ENTR1: variants seen among roughly 807,000 people sequenced by gnomAD.
The protein encoded by ENTR1 is endosome associated trafficking regulator 1.
A neutral mutation model predicts 47.9 loss-of-function variants in ENTR1; 47 were observed. The observed-to-expected ratio is 0.98, with a 90% CI of 0.78 to 1.25. The LOEUF is 1.25. Among genes scored for constraint, ENTR1 ranks in the 50% most tolerant of loss-of-function variants. ENTR1 has a pLI of 0.00. For synonymous variants in ENTR1, 290 were observed against 245.8 expected (o/e 1.18, Z -1.68); for missense variants, 668 against 570.5 (o/e 1.17, Z -1.74).
rs1421010721 is a variant in ENTR1, at chr9:136,410,593, T to C, written c.-196A>G. ...CACCGAAAGCGCGTGCCTGAACGCC[T>C]TGGGCCGTCGGCGAGGGGGAGGGGA... On this transcript the variant is annotated 5_prime_UTR_variant, in exon 1 of 10. Coordinates refer to ENST00000357365, the MANE Select transcript of ENTR1 (RefSeq NM_001039707.2). 1.1e-5 allele frequency: 14 copies of C among 1,261,760 alleles called. No homozygotes were observed. Among genetic ancestry groups the C allele is most frequent in the Non-Finnish European group, 1.4e-5 (14 of 992,682 alleles). The allele number at this position is 1,261,760 out of a possible 1,614,324, so 78.2% of individuals were successfully genotyped here.
chr9:136,404,649 C>T lies in ENTR1; in HGVS notation c.1050G>A (p.Gln350=), dbSNP rs369948210. The T allele has an allele frequency of 2.0e-5, 33 of 1,613,990 alleles. No homozygotes were observed. The highest frequency in any genetic ancestry group is 2.8e-5 in the Non-Finnish European group (33 of 1,180,014). The part of the protein sequence containing the change: ...KAENHVVKLK[Q]EISLLQAQVS... Reference sequence around the variant, plus strand: ...TAATTACCTGGAGCAAACTGATTTCCTGTTTTAGTTTCACGACGTGGTTTT... The same window carrying T: ...TAATTACCTGGAGCAAACTGATTTCTTGTTTTAGTTTCACGACGTGGTTTT... Residue 350 remains glutamine, a synonymous_variant, in exon 8 of 10, where the codon CAG becomes CAA. Transcript: ENST00000357365.
chr9:136,405,054 C>T (rs1330553495), intron 7 of ENTR1, 37 bp downstream of exon 7: 1 of 1,540,186 alleles, frequency 6.5e-7, no homozygotes, highest in African/African-American at 1.4e-5. Context: ...CGCTCCTGCC[C>T]CACCCAGCTC....
In ENTR1 at chr9:136,410,107, G is replaced by A; in HGVS notation, c.203C>T (p.Ala68Val). The change falls in exon 2 of 10, where the codon GCT (alanine) becomes GTT (valine). Residue 68 changes from alanine to valine, a missense_variant. Transcript: ENST00000357365. ...TCTCTCACCTGTGTCTCCCACGGAA[G>A]CCAGCACCGGGCTGGGCACATAGCA... ...FMCYVPSPVL[A>V]SVGDTDFGYG... 2 of 1,612,862 alleles carry A rather than the reference G, an allele frequency of 1.2e-6. No homozygotes were observed. Among genetic ancestry groups the A allele is most frequent in the East Asian group, 2.2e-5 (1 of 44,840 alleles).
chr9:136,409,911 C>T (rs1469216685), intron 2 of ENTR1, 179 bp downstream of exon 2: 2 of 803,544 alleles, frequency 2.5e-6, no homozygotes, highest in Non-Finnish European at 4.3e-6. Context: ...GGGGAGGTCT[C>T]CCCGCAACCA....
At chr9:136,408,745 T>G (rs1261497641) in intron 3 of ENTR1, among the ~76,000 whole-genome samples, 1 of 152,166 alleles carries the variant, frequency 6.6e-6, no homozygotes, top group Admixed American at 6.5e-5. Flanking sequence ...GCAGCCACAC[T>G]CGACCCTCCC....
In ENTR1 at chr9:136,402,645, G is replaced by A. The variant is rs1159356320; in HGVS notation, c.*143C>T. 3 of 568,722 alleles carry A rather than the reference G, an allele frequency of 5.3e-6. No individual in the cohort carries two copies. 35.2% of individuals were successfully genotyped at this position (568,722 alleles called of 1,614,324 possible). On this transcript the variant is annotated 3_prime_UTR_variant, in exon 10 of 10. Coordinates refer to ENST00000357365, the MANE Select transcript of ENTR1 (RefSeq NM_001039707.2). The stretch of plus-strand genomic sequence containing the variant: ...CCATTGTGGTGGCCAAGAACTGGCT[G>A]AGGGCACGACACTGGACTCTTGCGA...
At position 136,407,941 on chromosome 9, in the gene ENTR1, G is replaced by C; in HGVS notation, c.290-3C>G. On this transcript the variant is annotated splice_region_variant and splice_polypyrimidine_tract_variant and intron_variant, in intron 3 of 9. Coordinates refer to ENST00000357365, the MANE Select transcript of ENTR1 (RefSeq NM_001039707.2). ...TTCCAGATCTTCAAATCTGTCATCT[G>C]AAATAACAGACATCACAAATGCATA... The C allele has an allele frequency of 1.3e-6, 2 of 1,552,622 alleles. No homozygotes were observed. The highest frequency in any genetic ancestry group is 2.2e-5 in the East Asian group (1 of 44,508).
chr9:136,410,552 C>G lies in ENTR1; in HGVS notation c.-155G>C, dbSNP rs1835058276. 4 of 1,133,274 alleles carry G rather than the reference C, an allele frequency of 3.5e-6. No homozygotes were observed. The highest frequency in any genetic ancestry group is 4.4e-5 in the South Asian group (1 of 22,662). The allele number at this position is 1,133,274 out of a possible 1,614,324, so 70.2% of individuals were successfully genotyped here. ...CCCCGCGCCTCCGAGCCTCTCGCCGCTGCTTCCGCTCCGAGCACCGAAAGC... is the reference window on the plus strand; with the variant it reads ...CCCCGCGCCTCCGAGCCTCTCGCCGGTGCTTCCGCTCCGAGCACCGAAAGC... On this transcript the variant is annotated 5_prime_UTR_variant, in exon 1 of 10. Transcript: ENST00000357365.
At position 136,410,488 on chromosome 9, in the gene ENTR1, G is replaced by T; in HGVS notation, c.-91C>A. ...GCCCGTGCCGCGGCCCGCGTCGCCCGCCCCCGTCGCCCGCCCCCGTCGCCC... is the reference window on the plus strand; with the variant it reads ...GCCCGTGCCGCGGCCCGCGTCGCCCTCCCCCGTCGCCCGCCCCCGTCGCCC... On this transcript the variant is annotated 5_prime_UTR_variant, in exon 1 of 10. Coordinates refer to ENST00000357365, the MANE Select transcript of ENTR1 (RefSeq NM_001039707.2). 1 of 940,622 alleles carries T rather than the reference G, an allele frequency of 1.1e-6. No individual in the cohort carries two copies. The highest frequency in any genetic ancestry group is 1.3e-6 in the Non-Finnish European group (1 of 777,650). 58.3% of individuals were successfully genotyped at this position (940,622 alleles called of 1,614,324 possible).
At position 136,407,582 on chromosome 9, in the gene ENTR1, A is replaced by G; in HGVS notation, c.403-21T>C. ...GCTTCCTAAAAAAAAAAAAAAAAAA[A>G]AAACAATGGAGGCCATGCTTCTGAC... On this transcript the variant is annotated intron_variant, in intron 4 of 9. Coordinates refer to ENST00000357365, the MANE Select transcript of ENTR1 (RefSeq NM_001039707.2). 3 of 1,533,846 alleles carry G rather than the reference A, an allele frequency of 2.0e-6. No homozygotes were observed. The Admixed American group carries it at 6.7e-5, about 34-fold the overall frequency.
chr9:136,403,235 G>A (rs977243464), intron 9 of ENTR1, among the ~76,000 whole-genome samples: 5 of 140,536 alleles, frequency 3.6e-5, no homozygotes, highest in East Asian at 2.1e-4. Flanking sequence ...CTGGCGGGGA[G>A]AAAGGTAAGG....
chr9:136,410,024 A>G (rs756564048), intron 2 of ENTR1, 66 bp downstream of exon 2: 2 of 1,578,480 alleles, frequency 1.3e-6, no homozygotes, highest in Admixed American at 1.7e-5. Context: ...CTCGTGCTGC[A>G]GCGGAGGTGC....
At position 136,407,326 on chromosome 9, in the gene ENTR1, G is replaced by GAAA. The variant is rs1445337274; in HGVS notation, c.635_637dup (p.Leu212_Ser213insPhe). The stretch of plus-strand genomic sequence containing the variant: ...CAGCTCCGACGGGGTGGAGAAAAAG[G>GAAA]AAAGGTATGTGCTGCAGGGCGACGT... On this transcript the variant is annotated inframe_insertion, in exon 5 of 10. Coordinates refer to ENST00000357365, the MANE Select transcript of ENTR1 (RefSeq NM_001039707.2). The GAAA allele has an allele frequency of 1.2e-6, 2 of 1,610,698 alleles. No homozygotes were observed. Among genetic ancestry groups the GAAA allele is most frequent in the Non-Finnish European group, 1.7e-6 (2 of 1,179,202 alleles).
rs369696101 is a variant in ENTR1, at chr9:136,410,092, G to A, written c.218C>T (p.Thr73Ile). 4 of 1,612,614 alleles carry A rather than the reference G, an allele frequency of 2.5e-6. No homozygotes were observed. The highest frequency in any genetic ancestry group is 1.3e-5 in the African/African-American group (1 of 74,878). Residue 73 changes from threonine (T) to isoleucine (I), a missense_variant and splice_region_variant, in exon 2 of 10, where the codon ACA (threonine) becomes ATA (isoleucine). By Grantham distance (89) the Thr-to-Ile change is moderately conservative. Coordinates refer to ENST00000357365, the MANE Select transcript of ENTR1 (RefSeq NM_001039707.2). ...GGGCCGGCGCCCTCGTCTCTCACCT[G>A]TGTCTCCCACGGAAGCCAGCACCGG... ...PSPVLASVGDTDFGYGKGKCS... is the reference protein window; with the variant it reads ...PSPVLASVGDIDFGYGKGKCS...
intron 3 of ENTR1, among the ~76,000 whole-genome samples, chr9:136,408,371 G>A (rs1588794305): frequency 6.6e-6 from 1 of 152,104 alleles, no homozygotes; most frequent in African/African-American, 2.4e-5. Flanking sequence ...GAGGTCAGGA[G>A]ACTGAGACCA....
rs918089086 is a variant in ENTR1, at chr9:136,402,430, T to A, written c.*358A>T. The A allele has an allele frequency of 1.2e-5, 2 of 172,616 alleles. No homozygotes were observed. Among genetic ancestry groups the A allele is most frequent in the African/African-American group, 4.8e-5 (2 of 42,094 alleles). The allele number at this position is 172,616 out of a possible 1,614,324, so 10.7% of individuals were successfully genotyped here. ...ACTTATGAAATCAAGGACAACCAAT[T>A]GTACTTATCTTACAACTGATGTTCT... On this transcript the variant is annotated 3_prime_UTR_variant, in exon 10 of 10. Transcript: ENST00000357365.
intron 4 of ENTR1, 109 bp downstream of exon 4, chr9:136,407,717 T>C: frequency 7.3e-7 from 1 of 1,367,598 alleles, no homozygotes. Context: ...TCCCCAGCAC[T>C]GACGCCTGCC....
chr9:136,404,762 C>T, intron 7 of ENTR1, 69 bp from the exon 8 acceptor site: 3 of 1,556,338 alleles, frequency 1.9e-6, no homozygotes, highest in Non-Finnish European at 2.6e-6. Flanking sequence ...GGACACGGGC[C>T]CCAACCCAGG....
At chr9:136,408,305 T>C (rs777167016) in intron 3 of ENTR1, among the ~76,000 whole-genome samples, 9 of 140,602 alleles carry the variant, frequency 6.4e-5, no homozygotes, top group Non-Finnish European at 1.1e-4. Flanking sequence ...GGTGGCCAGG[T>C]GTGGTGGCTC....
Sources: allele counts gnomAD v4.1 joint callset (sites outside exome capture counted in the v4.1 genomes callset), GRCh38; gene constraint gnomAD v4.1.1; transcripts MANE v1.5; gene names NCBI Gene and HGNC (gene_info 2026-07-23, HGNC 2026-07-21).